The following C12orf56 variants were observed in gnomAD, a reference collection of about 807,000 sequenced individuals.
The protein encoded by C12orf56 is uncharacterized protein C12orf56.
A neutral mutation model predicts 69.9 loss-of-function variants in C12orf56; 71 were observed. That is an observed-to-expected ratio of 1.02 (90% CI 0.84 to 1.24). The LOEUF is 1.24. Ranked by LOEUF, C12orf56 falls within the 50% of genes most tolerant of loss-of-function variation. The pLI is 0.00. For synonymous variants in C12orf56, 276 were observed against 274.1 expected (o/e 1.01, Z -0.07); for missense variants, 732 against 738.5 (o/e 0.99, Z 0.10).
chr12:64,339,092 G>A (rs1381193176), intron 2 of C12orf56, among the ~76,000 whole-genome samples: 1 of 152,078 alleles, frequency 6.6e-6, no homozygotes, highest in Non-Finnish European at 1.5e-5. Context: ...ATCATTCTTT[G>A]TTAACATGGT....
Position 64,277,672 on chromosome 12 carries a change from C to A in C12orf56, c.1434+8G>T. ...TATAATAGTTTACCCCCCAAATTCTCATCTCACCTCAGCGTCAAAAGACAT... is the reference window on the plus strand; with the variant it reads ...TATAATAGTTTACCCCCCAAATTCTAATCTCACCTCAGCGTCAAAAGACAT... On this transcript the variant is annotated splice_region_variant and intron_variant, in intron 9 of 12. Coordinates refer to ENST00000543942, the MANE Select transcript of C12orf56 (RefSeq NM_001170633.2). 1 of 1,496,902 alleles carries A rather than the reference C, an allele frequency of 6.7e-7. No homozygotes were observed. The highest frequency in any genetic ancestry group is 1.4e-5 in the South Asian group (1 of 70,490). The allele number at this position is 1,496,902 out of a possible 1,614,324, so 92.7% of individuals were successfully genotyped here.
At chr12:64,267,531 G>C (rs1306058653) in intron 12 of C12orf56, 4 of 494,440 alleles carry the variant, frequency 8.1e-6, no homozygotes, top group Non-Finnish European at 1.1e-5. Context: ...CATGTGGACT[G>C]TCCTCACCAC....
chr12:64,365,882 A>G (rs537346379), intron 1 of C12orf56, among the ~76,000 whole-genome samples: 8 of 135,708 alleles, frequency 5.9e-5, no homozygotes, highest in African/African-American at 1.9e-4. Context: ...TATACATTAT[A>G]TATAGTGTAT....
intron 3 of C12orf56, among the ~76,000 whole-genome samples, chr12:64,326,192 A>C (rs1408381307): frequency 6.6e-6 from 1 of 152,176 alleles, no homozygotes; most frequent in African/African-American, 2.4e-5. Context: ...CTGCCTTGAA[A>C]AAGTCTCCAG....
chr12:64,373,769 C>T (rs959180797), intron 1 of C12orf56, among the ~76,000 whole-genome samples: 1 of 151,918 alleles, frequency 6.6e-6, no homozygotes, highest in Non-Finnish European at 1.5e-5. Context: ...TTGAATCTAC[C>T]GATAATTTTT....
intron 11 of C12orf56, 113 bp from the exon 12 acceptor site, chr12:64,270,827 A>T: frequency 1.2e-6 from 1 of 804,890 alleles, no homozygotes; most frequent in Non-Finnish European, 1.9e-6. Flanking sequence ...CCCTAACACC[A>T]CTGTTGCAAT....
chr12:64,310,405 A>G (rs1402044396), intron 5 of C12orf56, among the ~76,000 whole-genome samples: 3 of 152,198 alleles, frequency 2.0e-5, no homozygotes, highest in African/African-American at 7.2e-5. Context: ...TTCTAATTCT[A>G]TTAAGCCTTC....
intron 6 of C12orf56, among the ~76,000 whole-genome samples, chr12:64,297,597 T>C (rs1422511323): frequency 1.3e-5 from 2 of 152,192 alleles, no homozygotes; most frequent in African/African-American, 4.8e-5. Flanking sequence ...TGTGTTCTCA[T>C]TGTTCAACTC....
intron 2 of C12orf56, among the ~76,000 whole-genome samples, chr12:64,342,206 C>T (rs963987662): frequency 6.6e-6 from 1 of 152,206 alleles, no homozygotes; most frequent in African/African-American, 2.4e-5. Context: ...AGTCCCTGAC[C>T]ATCCACCAAA....
intron 2 of C12orf56, among the ~76,000 whole-genome samples, chr12:64,342,688 G>T (rs2039090524): frequency 6.6e-6 from 1 of 152,194 alleles, no homozygotes; most frequent in South Asian, 2.1e-4. Flanking sequence ...GTTCATGATA[G>T]GCAGTTCAGG....
At chr12:64,382,778 C>T (rs2039736278) in intron 1 of C12orf56, among the ~76,000 whole-genome samples, 1 of 149,722 alleles carries the variant, frequency 6.7e-6, no homozygotes, top group Admixed American at 6.7e-5. Context: ...GAGGCTGGGG[C>T]AGGCGAATGG....
intron 1 of C12orf56, among the ~76,000 whole-genome samples, chr12:64,366,965 CAT>C (rs1157242293): frequency 5.5e-5 from 6 of 110,084 alleles, no homozygotes; most frequent in East Asian, 2.5e-4. Context: ...TTATATATAA[CAT>C]ACACTTTATA....
chr12:64,352,998 C>T lies in C12orf56; in HGVS notation c.311G>A (p.Arg104His), dbSNP rs200867013. The T allele has an allele frequency of 5.6e-6, 9 of 1,612,346 alleles. No homozygotes were observed. The highest frequency in any genetic ancestry group is 1.7e-5 in the Admixed American group (1 of 59,542). ...CAAAACGGTTGAAGAATAGATGATA[C>T]GAATGTGTTGGCTGATTTCTCTATC... is the stretch of plus-strand genomic sequence containing the variant. ...SPDREISQHI[R>H]IIYSSTVLKK... Residue 104 changes from arginine to histidine, a missense_variant, in exon 2 of 13, where the codon CGT (arginine) becomes CAT (histidine). Arg to His is a conservative substitution (Grantham distance 29). Coordinates refer to ENST00000543942, the MANE Select transcript of C12orf56 (RefSeq NM_001170633.2).
chr12:64,288,603 G>A (rs1376795830), intron 6 of C12orf56, among the ~76,000 whole-genome samples: 1 of 100,970 alleles, frequency 9.9e-6, no homozygotes, highest in African/African-American at 4.2e-5. Context: ...TTATTAAATA[G>A]GGAATCCTTT....
chr12:64,285,985 G>A lies in C12orf56; in HGVS notation c.1189C>T (p.Gln397Ter), dbSNP rs2038195785. ...TCATCAACCCTTTGGCTTTGATTTTGTAGTGCATTCTTATCCCTAGACTCC... is the reference window on the plus strand; with the variant it reads ...TCATCAACCCTTTGGCTTTGATTTTATAGTGCATTCTTATCCCTAGACTCC... ...LPESRDKNALQNQSQRVDELV... is the reference protein window; with the variant it reads ...LPESRDKNAL The change falls in exon 7 of 13, where the codon CAA becomes TAA. Residue 397 changes from glutamine (Q) to a stop codon, truncating the protein, a stop_gained. Coordinates refer to ENST00000543942, the MANE Select transcript of C12orf56 (RefSeq NM_001170633.2). LOFTEE classifies it high-confidence loss of function. The A allele has an allele frequency of 6.2e-7, 1 of 1,607,788 alleles. No homozygotes were observed. Among genetic ancestry groups the A allele is most frequent in the Non-Finnish European group, 8.5e-7 (1 of 1,175,864 alleles).
rs569749599 is a variant in C12orf56 at position 64,353,106 on chromosome 12, C to G, written c.253-50G>C. The G allele has an allele frequency of 2.6e-6, 4 of 1,557,064 alleles. No individual in the cohort carries two copies. In the African/African-American group the frequency reaches 4.1e-5, roughly 16 times the overall value. The stretch of plus-strand genomic sequence containing the variant: ...ATTGAAGACAAATACAACTGCTTAC[C>G]TATTTTGGTATAATAAATCCCCCAA... On this transcript the variant is annotated intron_variant, in intron 1 of 12. Transcript: ENST00000543942.
At chr12:64,340,356 T>C (rs2039059205) in intron 2 of C12orf56, among the ~76,000 whole-genome samples, 1 of 152,090 alleles carries the variant, frequency 6.6e-6, no homozygotes, top group Admixed American at 6.5e-5. Flanking sequence ...ACACCCAGGA[T>C]CAATACTTTC....
At chr12:64,386,854 A>AGAGGCCAGGTGGTCAGGAGTTT (rs138501359) in intron 1 of C12orf56, among the ~76,000 whole-genome samples, 10,851 of 150,826 alleles carry the variant, frequency 0.072, 493 homozygotes, top group South Asian at 0.11. Flanking sequence ...TAAAAGTGTA[A>AGAGGCCAGGTGGTCAGGAGTTT]GAGGCCAGGT....
At chr12:64,302,664 C>G (rs2038461649) in intron 6 of C12orf56, among the ~76,000 whole-genome samples, 1 of 152,162 alleles carries the variant, frequency 6.6e-6, no homozygotes, top group Non-Finnish European at 1.5e-5. Context: ...CACCAGGTCA[C>G]TCCCCTGGGC....
Sources: gnomAD v4.1 joint callset for allele counts (sites outside exome capture counted in the v4.1 genomes callset) on GRCh38, gnomAD v4.1.1 for gene constraint, MANE v1.5 for transcripts, NCBI Gene and HGNC (gene_info 2026-07-23, HGNC 2026-07-21) for gene names.